DRAXIN: variants seen among roughly 807,000 people sequenced by gnomAD.
DRAXIN encodes the protein dorsal repulsive axon guidance protein.
DRAXIN carries 27 observed loss-of-function variants against 33.9 expected under a neutral mutation model. That is an observed-to-expected ratio of 0.80 (90% confidence interval 0.59 to 1.10). The LOEUF is 1.10. DRAXIN is among the 50% of genes least tolerant of loss of function. The pLI is 0.00. For synonymous variants in DRAXIN, 178 were observed against 194.0 expected, an observed-to-expected ratio of 0.92 and a Z score of 0.69; for missense variants, 371 against 460.8, an observed-to-expected ratio of 0.81 and a Z score of 1.78.
At chr1:11,688,133 G>A (rs564994050), upstream of DRAXIN, among the ~76,000 whole-genome samples, 3 of 152,258 alleles carry the variant, frequency 2.0e-5, no homozygotes, top group East Asian at 3.9e-4. This position sits in a 1 kb window ranked among gnomAD's most constrained non-coding sequence, Gnocchi z 4.6. Context: ...TATCCTTGGC[G>A]ACGCAAATCA....
At chr1:11,691,697 C>T (rs1308313943), upstream of DRAXIN, 1 of 148,666 alleles carries the variant, frequency 6.7e-6, no homozygotes, top group African/African-American at 2.5e-5. Flanking sequence ...CCCGCCCACT[C>T]CCCCTTCCTT....
At position 11,704,848 on chromosome 1, in the gene DRAXIN, A is replaced by C. The variant is rs555180243; in HGVS notation, c.-10-1401A>C. ...AGTGGAGGCCAGGGCCCAGGATCCC[A>C]GGGGACCAGGACATGCCAGGCTGGG... is the stretch of plus-strand genomic sequence containing the variant. On this transcript the variant is annotated intron_variant, in intron 1 of 6. Transcript: ENST00000294485. This position sits in a 1 kb window ranked among gnomAD's most constrained non-coding sequence, Gnocchi z 4.6. Among the ~76,000 whole-genome samples, 1 of 152,330 alleles carries C rather than the reference A, an allele frequency of 6.6e-6. No homozygotes were observed.
intron 6 of DRAXIN, among the ~76,000 whole-genome samples, chr1:11,716,543 A>C (rs1641580202): frequency 6.6e-6 from 1 of 152,256 alleles, no homozygotes; most frequent in Non-Finnish European, 1.5e-5. Flanking sequence ...TGCTCATATT[A>C]GCCTCAGAGA....
At chr1:11,689,618 G>C, upstream of DRAXIN, among the ~76,000 whole-genome samples, 1 of 152,182 alleles carries the variant, frequency 6.6e-6, no homozygotes, top group South Asian at 2.1e-4. Context: ...AAGGCGGGGG[G>C]AGGGGAGAAG....
chr1:11,705,077 G>A lies in DRAXIN; in HGVS notation c.-10-1172G>A, dbSNP rs1233033626. On this transcript the variant is annotated intron_variant, in intron 1 of 6. Transcript: ENST00000294485. The surrounding 1 kb of genome is among the most constrained non-coding windows in gnomAD (Gnocchi z 4.8). ...CCGCAGGGAGAGGCGCCGGGAAGCA[G>A]GGAAACATCACAGGCCCACCAACCT... Among the ~76,000 whole-genome samples, 1 of 152,222 alleles carries A rather than the reference G, an allele frequency of 6.6e-6. No homozygotes were observed. Among genetic ancestry groups the A allele is most frequent in the African/African-American group, 2.4e-5 (1 of 41,454 alleles).
At position 11,706,666 on chromosome 1, in the gene DRAXIN, C is replaced by T; in HGVS notation, c.408C>T (p.Ser136=). ...GTTGGGAGAGGACCAGGAAACGCAG[C>T]AGGGAGCACAAGAGACGCAGGGACA... The part of the protein sequence containing the change: ...PPGWERTRKR[S]REHKRRRDRL... Residue 136 remains serine (S), a synonymous_variant, in exon 2 of 7, where the codon AGC becomes AGT. Coordinates refer to ENST00000294485, the MANE Select transcript of DRAXIN (RefSeq NM_198545.4). The surrounding 1 kb of genome is among the most constrained non-coding windows in gnomAD (Gnocchi z 5.5). The T allele has an allele frequency of 1.3e-6, 2 of 1,597,210 alleles. No homozygotes were observed. The highest frequency in any genetic ancestry group is 1.7e-6 in the Non-Finnish European group (2 of 1,178,714).
intron 5 of DRAXIN, among the ~76,000 whole-genome samples, chr1:11,713,904 G>A (rs1403086904): frequency 6.6e-6 from 1 of 152,072 alleles, no homozygotes; most frequent in Non-Finnish European, 1.5e-5. Context: ...ATGGTGGCAG[G>A]TGCCTGTAAT....
intron 5 of DRAXIN, among the ~76,000 whole-genome samples, chr1:11,714,115 G>A (rs1641538253): frequency 6.6e-6 from 1 of 152,178 alleles, no homozygotes. Context: ...TAAGGCAGGA[G>A]GATCACCTGA....
rs888645424 is a variant in DRAXIN at position 11,721,156 on chromosome 1, C to A, written c.*1460C>A. On this transcript the variant is annotated 3_prime_UTR_variant, in exon 7 of 7. Coordinates refer to ENST00000294485, the MANE Select transcript of DRAXIN (RefSeq NM_198545.4). ...TCCAAAAAAACCCCACACATATTGC[C>A]CATGTTTACCCACTTTGCATACTGT... 6 of 152,220 alleles carry A rather than the reference C, an allele frequency of 3.9e-5. No individual in the cohort carries two copies. The highest frequency in any genetic ancestry group is 1.3e-4 in the Admixed American group (2 of 15,278). 9.4% of individuals were successfully genotyped at this position (152,220 alleles called of 1,614,324 possible).
chr1:11,687,513 G>A (rs967961141), upstream of DRAXIN, among the ~76,000 whole-genome samples: 2 of 152,066 alleles, frequency 1.3e-5, no homozygotes, highest in Non-Finnish European at 2.9e-5. The surrounding 1 kb of genome is among the most constrained non-coding windows in gnomAD (Gnocchi z 4.1). Flanking sequence ...GTGTTGGGAT[G>A]ACAGGCATGA....
intron 3 of DRAXIN, among the ~76,000 whole-genome samples, chr1:11,710,514 G>T (rs1472458262): frequency 6.6e-6 from 1 of 151,130 alleles, no homozygotes; most frequent in African/African-American, 2.4e-5. Flanking sequence ...AAAAAATGTG[G>T]AGAGAAAGTA....
At chr1:11,690,127 A>C (rs1311842861), upstream of DRAXIN, among the ~76,000 whole-genome samples, 1 of 152,076 alleles carries the variant, frequency 6.6e-6, no homozygotes, top group Non-Finnish European at 1.5e-5. This position sits in a 1 kb window ranked among gnomAD's most constrained non-coding sequence, Gnocchi z 4.2. Flanking sequence ...TCATAGCACT[A>C]ATCACCACCT....
At position 11,725,842 on chromosome 1, in the gene DRAXIN, C is replaced by T. The variant is rs947727361; in HGVS notation, c.*6146C>T. Reference sequence around the variant, plus strand: ...TGCTCTTGAGCTGTAAATAAAGAGACGATGGTTAAAAAGCCCACCTGGTGT... The same window carrying T: ...TGCTCTTGAGCTGTAAATAAAGAGATGATGGTTAAAAAGCCCACCTGGTGT... On this transcript the variant is annotated 3_prime_UTR_variant, in exon 7 of 7. Coordinates refer to ENST00000294485, the MANE Select transcript of DRAXIN (RefSeq NM_198545.4). The T allele has an allele frequency of 3.9e-5, 6 of 152,240 alleles. No individual in the cohort carries two copies. Among genetic ancestry groups the T allele is most frequent in the South Asian group, 2.1e-4 (1 of 4,830 alleles). The allele number at this position is 152,240 out of a possible 1,614,324, so 9.4% of individuals were successfully genotyped here.
At position 11,706,292 on chromosome 1, in the gene DRAXIN, C is replaced by T. The variant is rs1379080960; in HGVS notation, c.34C>T (p.Leu12=). The change falls in exon 2 of 7, where the codon CTG becomes TTG. Residue 12 remains leucine, a synonymous_variant. Transcript: ENST00000294485. This position sits in a 1 kb window ranked among gnomAD's most constrained non-coding sequence, Gnocchi z 5.5. ...AGPAIHTAPM[L]FLVLLLPLEL... ...GCCTGCCATCCACACCGCTCCCATG[C>T]TGTTCCTCGTCCTCCTGCTGCCCCT... 2 of 1,611,544 alleles carry T rather than the reference C, an allele frequency of 1.2e-6. No individual in the cohort carries two copies. The highest frequency in any genetic ancestry group is 1.7e-6 in the Non-Finnish European group (2 of 1,179,060).
chr1:11,691,708 C>T (rs894870541), upstream of DRAXIN: 1 of 141,524 alleles, frequency 7.1e-6, no homozygotes, highest in Non-Finnish European at 1.5e-5. Context: ...CCCCTTCCTT[C>T]CAGTCCCGCT....
Position 11,720,965 on chromosome 1 carries a change from G to A in DRAXIN, c.*1269G>A, listed in dbSNP as rs552553306. ...TTGCTTGCAGGAATAAGTTGGGCAG[G>A]TTGATCCCTGTGGTCTAGTAGCTGA... On this transcript the variant is annotated 3_prime_UTR_variant, in exon 7 of 7. Transcript: ENST00000294485. 1 of 152,204 alleles carries A rather than the reference G, an allele frequency of 6.6e-6. No individual in the cohort carries two copies. The highest frequency in any genetic ancestry group is 1.5e-5 in the Non-Finnish European group (1 of 68,044). 9.4% of individuals were successfully genotyped at this position (152,204 alleles called of 1,614,324 possible). A position where few individuals can be genotyped will look rare whatever the true frequency, so the allele number is the denominator to read the frequency against.
At chr1:11,709,830 C>A (rs953635257) in intron 3 of DRAXIN, among the ~76,000 whole-genome samples, 1 of 152,178 alleles carries the variant, frequency 6.6e-6, no homozygotes, top group Non-Finnish European at 1.5e-5. Flanking sequence ...AAAACTGTGT[C>A]GTCAAGACCC....
At chr1:11,695,830 T>C (rs1424869249) in intron 1 of DRAXIN, among the ~76,000 whole-genome samples, 1 of 151,940 alleles carries the variant, frequency 6.6e-6, no homozygotes, top group Non-Finnish European at 1.5e-5. Flanking sequence ...GTACCTATAA[T>C]CTAGCAGGAG....
Position 11,696,005 on chromosome 1 carries a change from A to G in DRAXIN, c.-11+4152A>G, listed in dbSNP as rs1042637922. On this transcript the variant is annotated intron_variant, in intron 1 of 6. Coordinates refer to ENST00000294485, the MANE Select transcript of DRAXIN (RefSeq NM_198545.4). The surrounding 1 kb of genome is among the most constrained non-coding windows in gnomAD (Gnocchi z 4.7). ...GGCTGCTGTCGGAAACAATAAAAGC[A>G]GATGGAGCTGCCCCTGCAGGGAAGC... 1.3e-5 allele frequency among the ~76,000 whole-genome samples: 2 copies of G among 152,216 alleles called. No homozygotes were observed. The highest frequency in any genetic ancestry group is 2.4e-5 in the African/African-American group (1 of 41,454).
Sources: gnomAD v4.1 joint callset for allele counts (sites outside exome capture counted in the v4.1 genomes callset) on GRCh38, gnomAD v4.1.1 for gene constraint, Gnocchi (gnomAD v3.1) non-coding constraint, MANE v1.5 for transcripts, NCBI Gene and HGNC (gene_info 2026-07-23, HGNC 2026-07-21) for gene names.